Variants in TESMIN observed in about 807,000 individuals in gnomAD.
TESMIN encodes the protein testis expressed metallothionein like protein, also known as CXC domain containing 2.
A neutral mutation model predicts 47.4 loss-of-function variants in TESMIN; 34 were observed. The ratio of observed to expected loss-of-function variants is 0.72; its 90% confidence interval spans 0.55 to 0.96. TESMIN has a LOEUF of 0.96. TESMIN is among the 40% of genes least tolerant of loss of function. TESMIN has a pLI of 0.00. For synonymous variants in TESMIN, 278 were observed against 258.9 expected, an observed-to-expected ratio of 1.07 and a Z score of -0.71; for missense variants, 610 against 637.2, an observed-to-expected ratio of 0.96 and a Z score of 0.46.
intron 6 of TESMIN, among the ~76,000 whole-genome samples, chr11:68,719,300 A>T (rs1171381069): frequency 6.6e-6 from 1 of 152,220 alleles, no homozygotes; most frequent in African/African-American, 2.4e-5. Flanking sequence ...ATGAACAGAA[A>T]GGGAAAGGTA....
chr11:68,736,847 G>A (rs922876434), intron 6 of TESMIN: 1 of 985,002 alleles, frequency 1.0e-6, no homozygotes, highest in Non-Finnish European at 1.2e-6. Flanking sequence ...GGGAAGCCGG[G>A]GGAGAGGAAA....
chr11:68,744,904 G>T, intron 4 of TESMIN, 87 bp downstream of exon 4: 1 of 1,115,078 alleles, frequency 9.0e-7, no homozygotes, highest in Non-Finnish European at 1.2e-6. Flanking sequence ...TATCCTGGTT[G>T]CCATTTCACT....
downstream of TESMIN, among the ~76,000 whole-genome samples, chr11:68,706,732 A>G (rs1457527351): frequency 1.3e-5 from 2 of 152,212 alleles, no homozygotes; most frequent in African/African-American, 4.8e-5. Flanking sequence ...AGTATTTTGG[A>G]TACATTGGGA....
chr11:68,722,825 T>C (rs1471872441), intron 6 of TESMIN, among the ~76,000 whole-genome samples: 1 of 152,204 alleles, frequency 6.6e-6, no homozygotes, highest in Non-Finnish European at 1.5e-5. Context: ...TACAGAGGCA[T>C]AGTCATTAAC....
chr11:68,734,784 C>G (rs1946368163), intron 6 of TESMIN, among the ~76,000 whole-genome samples: 1 of 152,222 alleles, frequency 6.6e-6, no homozygotes, highest in African/African-American at 2.4e-5. Context: ...GTAACTAATA[C>G]AAACGCCCTA....
At chr11:68,722,899 A>G (rs1946219525) in intron 6 of TESMIN, among the ~76,000 whole-genome samples, 1 of 152,244 alleles carries the variant, frequency 6.6e-6, no homozygotes, top group African/African-American at 2.4e-5. Flanking sequence ...TTCATGCTAT[A>G]GATCTGAAAT....
chr11:68,728,129 C>T (rs1381602725), intron 6 of TESMIN, among the ~76,000 whole-genome samples: 7 of 150,600 alleles, frequency 4.6e-5, no homozygotes, highest in Admixed American at 3.3e-4. Flanking sequence ...AAGAAGAGTC[C>T]CACGTCTCTC....
intron 1 of TESMIN, 44 bp from the exon 2 acceptor site, chr11:68,750,743 AG>A: frequency 1.4e-6 from 1 of 696,742 alleles, no homozygotes. Context: ...GGAGAGGACG[AG>A]GGGAGGGGCG....
rs1023879406 is a variant in TESMIN at position 68,715,934 on chromosome 11, C to T, written c.923G>A (p.Cys308Tyr). 2 of 1,606,920 alleles carry T rather than the reference C, an allele frequency of 1.2e-6. No individual in the cohort carries two copies. The highest frequency in any genetic ancestry group is 1.7e-5 in the Admixed American group (1 of 59,980). The change falls in exon 7 of 10, where the codon TGT becomes TAT. Residue 308 changes from cysteine to tyrosine, a missense_variant. Cys to Tyr is a radical substitution (Grantham distance 194). Coordinates refer to ENST00000255087, the MANE Select transcript of TESMIN (RefSeq NM_004923.3). ...AAAGTCCCCACTGGCAAAGCAGTCA[C>T]AGTACCTGTGAAGGAAAGGACAGAG... ...GPPKITLAGY[C>Y]DCFASGDFCN... is the part of the protein sequence containing the mutation.
intron 6 of TESMIN, among the ~76,000 whole-genome samples, chr11:68,722,776 G>A (rs1029082464): frequency 6.6e-6 from 1 of 152,118 alleles, no homozygotes; most frequent in Non-Finnish European, 1.5e-5. Context: ...CAACATTACC[G>A]TCGGACAGAA....
Position 68,708,314 on chromosome 11 carries a change from C to T in TESMIN, c.1521G>A (p.Met507Ile). 6.3e-7 allele frequency: 1 copy of T among 1,599,446 alleles called. No individual in the cohort carries two copies. Among genetic ancestry groups the T allele is most frequent in the African/African-American group, 1.3e-5 (1 of 74,526 alleles). The change falls in exon 10 of 10, where the codon ATG becomes ATA. Residue 507 changes from methionine (M) to isoleucine (I), a missense_variant. By Grantham distance (10) the Met-to-Ile change is conservative (BLOSUM62 1). Coordinates refer to ENST00000255087, the MANE Select transcript of TESMIN (RefSeq NM_004923.3). Reference sequence around the variant, plus strand: ...TGCATTCACACTTTATACTCTACTCCATTTTCAATCCCTTAGATTTAAACT... The same window carrying T: ...TGCATTCACACTTTATACTCTACTCTATTTTCAATCCCTTAGATTTAAACT... ...HTEFKSKGLK[M>I]E
chr11:68,742,669 T>C (rs1216050157), intron 4 of TESMIN, among the ~76,000 whole-genome samples: 2 of 152,190 alleles, frequency 1.3e-5, no homozygotes, highest in African/African-American at 4.8e-5. Context: ...ATGTTGTTAG[T>C]GCTCTGGTTC....
In TESMIN at chr11:68,710,972, T is replaced by C; in HGVS notation, c.1236A>G (p.Leu412=). 2 of 1,614,076 alleles carry C rather than the reference T, an allele frequency of 1.2e-6. No homozygotes were observed. Among genetic ancestry groups the C allele is most frequent in the South Asian group, 1.1e-5 (1 of 91,066 alleles). Residue 412 remains leucine, a synonymous_variant, in exon 9 of 10, where the codon CTA becomes CTG. Coordinates refer to ENST00000255087, the MANE Select transcript of TESMIN (RefSeq NM_004923.3). ...TCTGCATGTAGTTTGGCATGCTCAT[T>C]AGTGTCTTTCGTTCTGGGCTTTCTT... is the stretch of plus-strand genomic sequence containing the variant. ...NYEESPERKT[L]MSMPNYMQTG...
chr11:68,716,263 G>A (rs1314502038), intron 6 of TESMIN, among the ~76,000 whole-genome samples: 1 of 152,214 alleles, frequency 6.6e-6, no homozygotes. Flanking sequence ...ATTTTCCCAG[G>A]AGCGCAATAA....
At chr11:68,711,122 A>T (rs1443210916) in intron 8 of TESMIN, 73 bp from the exon 9 acceptor site, 1 of 1,280,934 alleles carries the variant, frequency 7.8e-7, no homozygotes, top group African/African-American at 1.5e-5. Context: ...TTCTATTTGG[A>T]CCTTAAATAA....
chr11:68,738,763 A>C lies in TESMIN; in HGVS notation c.854T>G (p.Val285Gly). Reference sequence around the variant, plus strand: ...TCCCGAGGGGAAAGCAGACCCGTTGACTACCGATGGTAAGGCTCCCTCAAG... The same window carrying C: ...TCCCGAGGGGAAAGCAGACCCGTTGCCTACCGATGGTAAGGCTCCCTCAAG... ...QQLEGALPSV[V>G]NGSAFPSGST... is the part of the protein sequence containing the mutation. Residue 285 changes from valine (V) to glycine (G), a missense_variant, in exon 6 of 10, where the codon GTC becomes GGC. Val to Gly is a moderately radical substitution (Grantham distance 109). Transcript: ENST00000255087. The C allele has an allele frequency of 1.2e-6, 2 of 1,614,108 alleles. No homozygotes were observed. Among genetic ancestry groups the C allele is most frequent in the Non-Finnish European group, 1.7e-6 (2 of 1,179,968 alleles).
chr11:68,741,781 G>A (rs113867639), intron 5 of TESMIN, among the ~76,000 whole-genome samples: 2 of 152,220 alleles, frequency 1.3e-5, no homozygotes, highest in African/African-American at 2.4e-5. Flanking sequence ...GCCAGTGAGA[G>A]TGCCATGCAG....
chr11:68,725,260 T>C (rs1329093002), intron 6 of TESMIN, among the ~76,000 whole-genome samples: 1 of 152,190 alleles, frequency 6.6e-6, no homozygotes, highest in African/African-American at 2.4e-5. Context: ...ATTGTCCGTA[T>C]GGAAAAAAAT....
In TESMIN at chr11:68,737,684, G is replaced by A. The variant is rs147922065; in HGVS notation, c.917+1016C>T. The A allele has an allele frequency of 1.8e-4, 174 of 980,538 alleles. 5 individuals are homozygous for A. The East Asian group carries it at 0.019, about 106-fold the overall frequency. 60.7% of individuals were successfully genotyped at this position (980,538 alleles called of 1,614,324 possible). On this transcript the variant is annotated intron_variant, in intron 6 of 9. Coordinates refer to ENST00000255087, the MANE Select transcript of TESMIN (RefSeq NM_004923.3). ...CCCAGCACTTTGGGAGGCTGAGATG[G>A]GCGGATCATCTGAGGTCAGTATTTC...
Sources: allele counts gnomAD v4.1 joint callset (sites outside exome capture counted in the v4.1 genomes callset), GRCh38; gene constraint gnomAD v4.1.1; transcripts MANE v1.5; gene names NCBI Gene and HGNC (gene_info 2026-07-23, HGNC 2026-07-21).